Variants in CDON observed in about 807,000 individuals in gnomAD.
The protein encoded by CDON is cell adhesion associated, oncogene regulated, also known as cell adhesion molecule-related/down-regulated by oncogenes.
In CDON, 73 loss-of-function variants were observed where a neutral mutation model predicts 120.9. The observed-to-expected ratio is 0.60, with a 90% confidence interval of 0.50 to 0.73. The LOEUF (loss-of-function observed/expected upper bound fraction) is 0.73. CDON is among the 30% of genes least tolerant of loss of function. The pLI, the probability that CDON is intolerant of heterozygous loss-of-function variation, is 0.00. For missense variants in CDON, 1,470 were observed against 1,587.3 expected, an observed-to-expected ratio of 0.93 and a Z score of 1.26; for synonymous variants, 566 against 573.5, an observed-to-expected ratio of 0.99 and a Z score of 0.19.
chr11:126,023,561 A>C, intron 1 of CDON, 24 bp from the exon 2 acceptor site: 6 of 981,910 alleles, frequency 6.1e-6, no homozygotes, highest in African/African-American at 1.6e-5. Context: ...AGGAAAGAAA[A>C]TCTAAACCAT....
At chr11:126,056,268 G>C (rs1440314695) in intron 1 of CDON, among the ~76,000 whole-genome samples, 1 of 152,130 alleles carries the variant, frequency 6.6e-6, no homozygotes, top group Non-Finnish European at 1.5e-5. Context: ...CTGCATCTTT[G>C]AGGACGCCTA....
At chr11:126,025,098 G>T (rs776333366) in intron 1 of CDON, among the ~76,000 whole-genome samples, 3 of 152,074 alleles carry the variant, frequency 2.0e-5, no homozygotes, top group African/African-American at 7.2e-5. Context: ...CCAGCTACTC[G>T]GGAGGCTGAG....
At chr11:126,040,006 G>T (rs1348613385) in intron 1 of CDON, among the ~76,000 whole-genome samples, 1 of 151,992 alleles carries the variant, frequency 6.6e-6, no homozygotes, top group Non-Finnish European at 1.5e-5. Flanking sequence ...ATTTTAATCT[G>T]ATTTCCCCTG....
chr11:126,038,869 A>G (rs966019324), intron 1 of CDON, among the ~76,000 whole-genome samples: 4 of 152,346 alleles, frequency 2.6e-5, no homozygotes, highest in South Asian at 4.1e-4. Context: ...AACATAAGAA[A>G]TAATTTTGTT....
At position 126,005,929 on chromosome 11, in the gene CDON, T is replaced by A; in HGVS notation, c.1681A>T (p.Ser561Cys). The change falls in exon 9 of 20, where the codon AGT becomes TGT. Residue 561 changes from serine (S) to cysteine (C), a missense_variant. By Grantham distance (112) the Ser-to-Cys change is moderately radical. Coordinates refer to ENST00000531738, the MANE Select transcript of CDON (RefSeq NM_001378964.1). The stretch of plus-strand genomic sequence containing the variant: ...TTCTCTGGTGCTGATTCCACTGCAC[T>A]GGGATGGACCTTCACCGGAAATGAG... Reference protein sequence around the residue: ...LSSFPVKVHPSAVESAPEKNA... With the variant: ...LSSFPVKVHPCAVESAPEKNA... 6.2e-7 allele frequency: 1 copy of A among 1,614,144 alleles called. No homozygotes were observed. The highest frequency in any genetic ancestry group is 1.1e-5 in the South Asian group (1 of 91,072).
chr11:126,056,393 C>G (rs1948681081), intron 1 of CDON, among the ~76,000 whole-genome samples: 1 of 152,134 alleles, frequency 6.6e-6, no homozygotes, highest in South Asian at 2.1e-4. Context: ...CTTCTCCAGT[C>G]CAGAGGAACC....
chr11:126,021,664 G>T, intron 2 of CDON, 144 bp from the exon 3 acceptor site: 1 of 779,872 alleles, frequency 1.3e-6, no homozygotes, highest in Non-Finnish European at 2.0e-6. Context: ...CTTGATGCTT[G>T]TAAAAGTTCT....
At chr11:126,022,149 T>G (rs1162704900) in intron 2 of CDON, among the ~76,000 whole-genome samples, 1 of 144,488 alleles carries the variant, frequency 6.9e-6, no homozygotes, top group Non-Finnish European at 1.5e-5. Flanking sequence ...GGCAAACAGC[T>G]CTTTTAATAA....
At chr11:125,974,123 T>C (rs1455051394) in intron 18 of CDON, among the ~76,000 whole-genome samples, 2 of 151,880 alleles carry the variant, frequency 1.3e-5, no homozygotes, top group East Asian at 3.9e-4. Context: ...CTCAAACTCC[T>C]GACCTCAGGT....
intron 11 of CDON, 57 bp downstream of exon 11, chr11:126,001,662 A>C (rs1024622692): frequency 1.3e-6 from 2 of 1,541,046 alleles, no homozygotes; most frequent in African/African-American, 2.7e-5. Context: ...CACCTCCCAA[A>C]ATCTGAAGCA....
intron 15 of CDON, among the ~76,000 whole-genome samples, chr11:125,984,686 G>A (rs1946413960): frequency 8.4e-6 from 1 of 118,816 alleles, no homozygotes. Flanking sequence ...GACAGAGTGA[G>A]ATTCTGTCTC....
chr11:125,980,801 G>A (rs537630365), intron 17 of CDON, among the ~76,000 whole-genome samples: 3 of 152,236 alleles, frequency 2.0e-5, no homozygotes, highest in African/African-American at 7.2e-5. Flanking sequence ...GTTCACTGCT[G>A]GTATTCCACT....
intron 18 of CDON, among the ~76,000 whole-genome samples, chr11:125,971,026 C>T (rs1945966282): frequency 6.6e-6 from 1 of 152,216 alleles, no homozygotes; most frequent in Middle Eastern, 3.4e-3. Flanking sequence ...GTGAACTGGA[C>T]AACTTGTTGT....
rs567489513 is a variant in CDON at position 126,015,367 on chromosome 11, G to A, written c.1072C>T (p.His358Tyr). 3 of 1,614,160 alleles carry A rather than the reference G, an allele frequency of 1.9e-6. No homozygotes were observed. The African/African-American group carries it at 4.0e-5, about 22-fold the overall frequency. Reference sequence around the variant, plus strand: ...TTCAGTCCGTTTCCTGCAGTTAGATGTCGTGCAGAAGGATGAATAGGCTGT... The same window carrying A: ...TTCAGTCCGTTTCCTGCAGTTAGATATCGTGCAGAAGGATGAATAGGCTGT... ...NAQPIHPSARHLTAGNGLKIS... is the reference protein window; with the variant it reads ...NAQPIHPSARYLTAGNGLKIS... The change falls in exon 7 of 20, where the codon CAT (histidine) becomes TAT (tyrosine). Residue 358 changes from histidine to tyrosine, a missense_variant. Physicochemically the swap from His to Tyr is moderately conservative, Grantham distance 83. Coordinates refer to ENST00000531738, the MANE Select transcript of CDON (RefSeq NM_001378964.1).
chr11:125,991,899 A>G (rs900772643), intron 14 of CDON, among the ~76,000 whole-genome samples: 1 of 152,214 alleles, frequency 6.6e-6, no homozygotes, highest in African/African-American at 2.4e-5. Context: ...CTACTACTAG[A>G]TATAAAAGCT....
At chr11:126,028,188 G>A (rs998489705) in intron 1 of CDON, among the ~76,000 whole-genome samples, 5 of 151,864 alleles carry the variant, frequency 3.3e-5, no homozygotes, top group Non-Finnish European at 7.4e-5. Context: ...ATACATAAAC[G>A]TATAAAAAGG....
At chr11:126,006,116 C>A in intron 8 of CDON, 59 bp from the exon 9 acceptor site, 1 of 1,547,164 alleles carries the variant, frequency 6.5e-7, no homozygotes, top group Non-Finnish European at 8.9e-7. Flanking sequence ...TGTCTTCTAC[C>A]CAGTTTGTGA....
chr11:126,014,126 G>T (rs994226090), intron 7 of CDON, among the ~76,000 whole-genome samples: 3 of 151,664 alleles, frequency 2.0e-5, no homozygotes, highest in African/African-American at 7.3e-5. Flanking sequence ...AGAACATTTG[G>T]TCCATATTAT....
chr11:125,991,554 T>C (rs1565509706), intron 14 of CDON, among the ~76,000 whole-genome samples: 2 of 152,180 alleles, frequency 1.3e-5, no homozygotes, highest in Admixed American at 6.5e-5. Context: ...GAAAATAGGA[T>C]AGCTTAATTG....
Sources: gnomAD v4.1 joint callset for allele counts (sites outside exome capture counted in the v4.1 genomes callset) on GRCh38, gnomAD v4.1.1 for gene constraint, MANE v1.5 for transcripts, NCBI Gene and HGNC (gene_info 2026-07-23, HGNC 2026-07-21) for gene names.